Variants in TCIRG1 observed in about 807,000 individuals in gnomAD.
The protein encoded by TCIRG1 is T cell immune regulator 1, ATPase H+ transporting V0 subunit a3, also known as V-type proton ATPase 116 kDa subunit a 3.
TCIRG1 carries 86 observed loss-of-function variants against 95.5 expected under a neutral mutation model. That is an observed-to-expected ratio of 0.90 (90% CI 0.76 to 1.08). The LOEUF is 1.08. Among genes scored for constraint, TCIRG1 ranks in the 50% least tolerant of loss-of-function variants. The probability of loss-of-function intolerance (pLI) is 0.00; values close to 1 mark genes in which losing one functional copy is unlikely to be tolerated. For synonymous variants in TCIRG1, 499 were observed against 501.3 expected (o/e 1.00, Z 0.06); for missense variants, 1,069 against 1,140.2 (o/e 0.94, Z 0.90).
chr11:68,051,196 A>G (rs1275754083), downstream of TCIRG1, among the ~76,000 whole-genome samples: 1 of 152,096 alleles, frequency 6.6e-6, no homozygotes, highest in Non-Finnish European at 1.5e-5. Context: ...AGTGGTGCCA[A>G]TATCCATGCC....
At chr11:68,041,239 G>T in intron 1 of TCIRG1, 29 bp from the exon 2 acceptor site, 2 of 1,498,884 alleles carry the variant, frequency 1.3e-6, no homozygotes, top group South Asian at 2.3e-5. Flanking sequence ...GTCTGCCCCT[G>T]ACTGGCCCCC....
chr11:68,044,698 G>T (rs994530775), intron 9 of TCIRG1: 1 of 596,974 alleles, frequency 1.7e-6, no homozygotes, highest in East Asian at 2.8e-5. Context: ...AGGTGCTTGC[G>T]GGTGAGGCTG....
intron 16 of TCIRG1, 59 bp from the exon 17 acceptor site, chr11:68,049,903 G>A (rs1252478703): frequency 1.0e-5 from 16 of 1,563,298 alleles, no homozygotes; most frequent in Admixed American, 5.7e-5. Context: ...CAGGCCTGGC[G>A]GGTGGTGGGG....
In TCIRG1 at chr11:68,050,809, C is replaced by A; in HGVS notation, c.2483C>A (p.Thr828Lys). The A allele has an allele frequency of 1.2e-6, 2 of 1,613,520 alleles. No homozygotes were observed. Among genetic ancestry groups the A allele is most frequent in the Non-Finnish European group, 1.7e-6 (2 of 1,180,016 alleles). ...YKLSPFTFAA[T>K]DD ...CTGAGTCCCTTCACCTTCGCTGCCA[C>A]AGATGACTAGGGCCCACTGCAGGTC... The change falls in exon 20 of 20, where the codon ACA becomes AAA. Residue 828 changes from threonine (T) to lysine (K), a missense_variant. By Grantham distance (78) the Thr-to-Lys change is moderately conservative. Coordinates refer to ENST00000265686, the MANE Select transcript of TCIRG1 (RefSeq NM_006019.4).
rs1855399955 is a variant in TCIRG1, at chr11:68,044,947, C to T, written c.1021-11C>T. The T allele has an allele frequency of 6.2e-7, 1 of 1,606,658 alleles. No individual in the cohort carries two copies. Among genetic ancestry groups the T allele is most frequent in the African/African-American group, 1.3e-5 (1 of 74,958 alleles). ...GCCACCGTTCTGGTCTGTCTCTGCC[C>T]TGGCACCCAGATGGAGGAGGGAGTG... On this transcript the variant is annotated splice_polypyrimidine_tract_variant and intron_variant, in intron 9 of 19. Coordinates refer to ENST00000265686, the MANE Select transcript of TCIRG1 (RefSeq NM_006019.4).
rs148619884 is a variant in TCIRG1, at chr11:68,045,033, C to G, written c.1096C>G (p.Arg366Gly). Residue 366 changes from arginine to glycine, a missense_variant, in exon 10 of 20, where the codon CGC becomes GGC. By Grantham distance (125) the Arg-to-Gly change is moderately radical. Transcript: ENST00000265686. ...DMPPTLIRTN[R>G]FTASFQGIVD... ...GCCCCCCACACTCATCCGCACCAAC[C>G]GCTTCACGGCCAGCTTCCAGGGCAT... 4.5e-5 allele frequency: 73 copies of G among 1,607,354 alleles called. No individual in the cohort carries two copies. Among genetic ancestry groups the G allele is most frequent in the Non-Finnish European group, 5.9e-5 (70 of 1,180,014 alleles).
chr11:68,044,794 C>A, intron 9 of TCIRG1, 164 bp from the exon 10 acceptor site: 2 of 872,270 alleles, frequency 2.3e-6, no homozygotes, highest in South Asian at 1.6e-5. Flanking sequence ...TTTGGGCCCC[C>A]ACCAGGGCAG....
Position 68,044,147 on chromosome 11 carries a change from G to A in TCIRG1, c.823G>A (p.Glu275Lys). ...QELQEVLGET[E>K]RFLSQVLGRV... ...TCTGGCGCAGGTCCTCGGGGAGACA[G>A]AGCGGTTCCTGAGCCAGGTGCTAGG... Residue 275 changes from glutamate (E) to lysine (K), a missense_variant, in exon 9 of 20, where the codon GAG (glutamate) becomes AAG (lysine). Transcript: ENST00000265686. 2 of 1,549,904 alleles carry A rather than the reference G, an allele frequency of 1.3e-6. No individual in the cohort carries two copies. Among genetic ancestry groups the A allele is most frequent in the Non-Finnish European group, 1.7e-6 (2 of 1,147,358 alleles).
At chr11:68,050,987 C>A, downstream of TCIRG1, 3 of 755,540 alleles carry the variant, frequency 4.0e-6, no homozygotes, top group Non-Finnish European at 6.7e-6. Context: ...AAAGTCAAGG[C>A]CTGGACCTGA....
At chr11:68,050,426 T>C (rs1590818889) in intron 18 of TCIRG1, 61 bp from the exon 19 acceptor site, 3 of 1,610,086 alleles carry the variant, frequency 1.9e-6, no homozygotes, top group Non-Finnish European at 1.7e-6. Flanking sequence ...CTGCGGCAGG[T>C]AGGTAGGGGG....
rs1176618015 is a variant in TCIRG1, at chr11:68,050,597, A to T, written c.2347A>T (p.Met783Leu). Residue 783 changes from methionine to leucine, a missense_variant, in exon 19 of 20, where the codon ATG becomes TTG. Met to Leu is a conservative substitution (Grantham distance 15). Transcript: ENST00000265686. Reference protein sequence around the residue: ...LVPIFAAFAVMTVAILLVMEG... With the variant: ...LVPIFAAFAVLTVAILLVMEG... ...CCCCATCTTTGCCGCCTTTGCCGTG[A>T]TGACCGTGGCTATCCTGCTGGTGAT... The T allele has an allele frequency of 6.2e-7, 1 of 1,613,474 alleles. No homozygotes were observed. Among genetic ancestry groups the T allele is most frequent in the Non-Finnish European group, 8.5e-7 (1 of 1,180,008 alleles).
In TCIRG1 at chr11:68,047,654, A is replaced by C; in HGVS notation, c.1313A>C (p.Gln438Pro). 1 of 1,613,350 alleles carries C rather than the reference A, an allele frequency of 6.2e-7. No homozygotes were observed. The highest frequency in any genetic ancestry group is 1.3e-5 in the African/African-American group (1 of 75,016). The change falls in exon 12 of 20, where the codon CAG becomes CCG. Residue 438 changes from glutamine to proline, a missense_variant. Transcript: ENST00000265686. Reference protein sequence around the residue: ...AVKAAQNEIWQTFFRGRYLLL... With the variant: ...AVKAAQNEIWPTFFRGRYLLL... The stretch of plus-strand genomic sequence containing the variant: ...ACACCACTGCCCCCCCAGATCTGGC[A>C]GACTTTCTTCAGGGGCCGCTACCTG...
downstream of TCIRG1, chr11:68,052,868 T>A (rs11481): frequency 0.61 from 92,775 of 152,126 alleles, 29,620 homozygotes; most frequent in Middle Eastern, 0.77. Flanking sequence ...GTTGGGTTTT[T>A]ATTTTTTTAT....
rs11228127 is a variant in TCIRG1, at chr11:68,050,409, C to T, written c.2237-78C>T. On this transcript the variant is annotated intron_variant, in intron 18 of 19. Coordinates refer to ENST00000265686, the MANE Select transcript of TCIRG1 (RefSeq NM_006019.4). Reference sequence around the variant, plus strand: ...TCGCTGGCCCCCCGTGCAGGGAGGGCTTCAGGCTGCGGCAGGTAGGTAGGG... The same window carrying T: ...TCGCTGGCCCCCCGTGCAGGGAGGGTTTCAGGCTGCGGCAGGTAGGTAGGG... 0.12 allele frequency: 195,538 copies of T among 1,610,070 alleles called. 14,434 individuals are homozygous for T. The highest frequency in any genetic ancestry group is 0.31 in the African/African-American group (23,389 of 74,954).
intron 3 of TCIRG1, 131 bp from the exon 4 acceptor site, chr11:68,042,512 C>A (rs1855217248): frequency 4.1e-6 from 3 of 739,464 alleles, no homozygotes; most frequent in Admixed American, 2.4e-5. Context: ...GAAAGTTTGG[C>A]CGGGATTTTC....
chr11:68,044,138 G>C lies in TCIRG1; in HGVS notation c.814G>C (p.Gly272Arg), dbSNP rs769761112. Residue 272 changes from glycine to arginine, a missense_variant, in exon 9 of 20, where the codon GGG becomes CGG. Gly to Arg is a moderately radical substitution (Grantham distance 125). Coordinates refer to ENST00000265686, the MANE Select transcript of TCIRG1 (RefSeq NM_006019.4). ...QQSQELQEVL[G>R]ETERFLSQVL... ...ACTGCCCACTCTGGCGCAGGTCCTCGGGGAGACAGAGCGGTTCCTGAGCCA... is the reference window on the plus strand; with the variant it reads ...ACTGCCCACTCTGGCGCAGGTCCTCCGGGAGACAGAGCGGTTCCTGAGCCA... 9.0e-6 allele frequency: 14 copies of C among 1,548,694 alleles called. No individual in the cohort carries two copies. The highest frequency in any genetic ancestry group is 1.2e-5 in the Non-Finnish European group (14 of 1,147,106).
rs771677132 is a variant in TCIRG1, at chr11:68,043,070, C to G, written c.503+39C>G. 2.6e-6 allele frequency: 4 copies of G among 1,549,128 alleles called. 1 individual carries two copies. The South Asian group carries it at 4.8e-5, about 18-fold the overall frequency. On this transcript the variant is annotated intron_variant, in intron 5 of 19. Transcript: ENST00000265686. ...GACCTCATGCCCTTTCTGGCCAGCCCAGAACCCCTGGCCAGTCGCTGGGCT... is the reference window on the plus strand; with the variant it reads ...GACCTCATGCCCTTTCTGGCCAGCCGAGAACCCCTGGCCAGTCGCTGGGCT...
chr11:68,043,216 G>A, intron 5 of TCIRG1, 155 bp from the exon 6 acceptor site: 1 of 1,476,364 alleles, frequency 6.8e-7, no homozygotes, highest in Non-Finnish European at 9.0e-7. Context: ...TCCTCTTCTG[G>A]TCCTGCCCGG....
chr11:68,039,569 C>T (rs1055500834), intron 1 of TCIRG1, among the ~76,000 whole-genome samples: 1 of 152,144 alleles, frequency 6.6e-6, no homozygotes, highest in African/African-American at 2.4e-5. Context: ...CTGCTGGGTT[C>T]CTGGAGGGGC....
Sources: allele counts gnomAD v4.1 joint callset (sites outside exome capture counted in the v4.1 genomes callset), GRCh38; gene constraint gnomAD v4.1.1; transcripts MANE v1.5; gene names NCBI Gene and HGNC (gene_info 2026-07-23, HGNC 2026-07-21).